Variants in NBEAL1 observed in about 807,000 individuals in gnomAD.
NBEAL1 encodes the protein neurobeachin-like protein 1.
In NBEAL1, 273 loss-of-function variants were observed where a neutral mutation model predicts 351.3. That is an observed-to-expected ratio of 0.78 (90% CI 0.70 to 0.86). The LOEUF is 0.86. Among genes scored for constraint, NBEAL1 ranks in the 40% least tolerant of loss-of-function variants. The pLI, the probability that NBEAL1 is intolerant of heterozygous loss-of-function variation, is 0.00. For missense variants in NBEAL1, 2,961 were observed against 3,201.3 expected (o/e 0.92, Z 1.81); for synonymous variants, 1,050 against 1,086.4 (o/e 0.97, Z 0.66).
intron 10 of NBEAL1, among the ~76,000 whole-genome samples, chr2:203,094,892 C>T (rs1176576914): frequency 6.6e-6 from 1 of 152,144 alleles, no homozygotes; most frequent in Non-Finnish European, 1.5e-5. Context: ...GAGGCCAAGG[C>T]AGGCGGATCA....
At chr2:203,197,213 A>G in intron 47 of NBEAL1, 89 bp from the exon 48 acceptor site, 1 of 705,786 alleles carries the variant, frequency 1.4e-6, no homozygotes, top group Non-Finnish European at 2.5e-6. Context: ...GTATCACAGG[A>G]TTCATCCTTA....
intron 54 of NBEAL1, among the ~76,000 whole-genome samples, chr2:203,211,443 C>T (rs1248518963): frequency 1.3e-5 from 2 of 152,022 alleles, no homozygotes; most frequent in African/African-American, 4.8e-5. Context: ...GAGTTTAAGA[C>T]CAACCTGGGC....
chr2:203,199,542 A>ATTT, intron 49 of NBEAL1, 95 bp downstream of exon 49: 1 of 623,930 alleles, frequency 1.6e-6, no homozygotes, highest in Non-Finnish European at 2.7e-6. Flanking sequence ...TCTGAAAGAA[A>ATTT]TATTTTTTTT....
chr2:203,209,116 T>A, intron 52 of NBEAL1, 45 bp from the exon 53 acceptor site: 1 of 1,498,678 alleles, frequency 6.7e-7, no homozygotes, highest in South Asian at 1.2e-5. Flanking sequence ...TTTTTGCTGT[T>A]CTTTTCCTTT....
At position 203,218,028 on chromosome 2, in the gene NBEAL1, A is replaced by G; in HGVS notation, c.*674A>G. On this transcript the variant is annotated 3_prime_UTR_variant, in exon 56 of 56. Transcript: ENST00000683969. ...TTTACAGATGTATTTCCTTAATAAT[A>G]TAATTAAGCAAAAGTGCTAATTGTG... The G allele has an allele frequency of 1.4e-6, 1 of 737,052 alleles. No homozygotes were observed. The highest frequency in any genetic ancestry group is 6.2e-5 in the South Asian group (1 of 16,082). The allele number at this position is 737,052 out of a possible 1,614,324, so 45.7% of individuals were successfully genotyped here.
At position 203,211,124 on chromosome 2, in the gene NBEAL1, A is replaced by C; in HGVS notation, c.7934+18A>C. On this transcript the variant is annotated intron_variant, in intron 54 of 55. Transcript: ENST00000683969. Reference sequence around the variant, plus strand: ...CTCCACAGGTAAATAATAAAAACTAATGAAGTATCACTTAAGAAAAGGGGC... The same window carrying C: ...CTCCACAGGTAAATAATAAAAACTACTGAAGTATCACTTAAGAAAAGGGGC... The C allele has an allele frequency of 6.6e-7, 1 of 1,510,874 alleles. No homozygotes were observed. The highest frequency in any genetic ancestry group is 8.9e-7 in the Non-Finnish European group (1 of 1,125,214). 93.6% of individuals were successfully genotyped at this position (1,510,874 alleles called of 1,614,324 possible).
intron 29 of NBEAL1, among the ~76,000 whole-genome samples, chr2:203,137,944 A>G (rs1294075407): frequency 6.6e-6 from 1 of 151,648 alleles, no homozygotes; most frequent in East Asian, 1.9e-4. Context: ...AGATCACACC[A>G]TTGCACTCCG....
rs1282655762 is a variant in NBEAL1 at position 203,194,940 on chromosome 2, G to A, written c.7038+1029G>A. ...TGGCCGGGCGCAGTGGCTCACGCCT[G>A]TAATCCCAGCACTTTGGGAGGCCGA... is the stretch of plus-strand genomic sequence containing the variant. On this transcript the variant is annotated intron_variant, in intron 47 of 55. Coordinates refer to ENST00000683969, the MANE Select transcript of NBEAL1 (RefSeq NM_001378026.1). Among the ~76,000 whole-genome samples, 5 of 152,318 alleles carry A rather than the reference G, an allele frequency of 3.3e-5. No homozygotes were observed. The East Asian group carries it at 9.6e-4, about 29-fold the overall frequency.
intron 15 of NBEAL1, 34 bp downstream of exon 15, chr2:203,110,316 T>A: frequency 6.5e-7 from 1 of 1,532,896 alleles, no homozygotes; most frequent in Non-Finnish European, 8.8e-7. Flanking sequence ...TAACTTCTAG[T>A]ATGGTTAATG....
rs141793792 is a variant in NBEAL1 at position 203,136,214 on chromosome 2, G to A, written c.4351G>A (p.Gly1451Ser). ...AGAAAGCAGCATCACAAATGATATG[G>A]GCTTTAGTGATGACTTCTCTTTACT... ...DRESSITNDM[G>S]FSDDFSLLES... Residue 1451 changes from glycine to serine, a missense_variant, in exon 28 of 56, where the codon GGC (glycine) becomes AGC (serine). Transcript: ENST00000683969. The A allele has an allele frequency of 9.6e-5, 154 of 1,597,912 alleles. No individual in the cohort carries two copies. In the African/African-American group the frequency reaches 1.9e-3, roughly 20 times the overall value.
chr2:203,049,577 A>G (rs1186696361), intron 3 of NBEAL1, among the ~76,000 whole-genome samples: 1 of 152,224 alleles, frequency 6.6e-6, no homozygotes, highest in Non-Finnish European at 1.5e-5. Context: ...TGAAATAAGA[A>G]AAACCACTCT....
intron 44 of NBEAL1, among the ~76,000 whole-genome samples, chr2:203,184,916 T>A (rs1322032529): frequency 6.6e-6 from 1 of 151,536 alleles, no homozygotes; most frequent in Non-Finnish European, 1.5e-5. Context: ...AAAAAAAAGT[T>A]TATTTGGGAA....
At position 203,185,034 on chromosome 2, in the gene NBEAL1, C is replaced by G. The variant is rs188958549; in HGVS notation, c.6705+1646C>G. The stretch of plus-strand genomic sequence containing the variant: ...TTTAAAGGTAAAGTGAGGAAGTTTA[C>G]ATGAGTTGTTTTGAAACAATTATCC... On this transcript the variant is annotated intron_variant, in intron 44 of 55. Transcript: ENST00000683969. Among the ~76,000 whole-genome samples the G allele has an allele frequency of 3.3e-5, 5 of 152,228 alleles. No individual in the cohort carries two copies. In the East Asian group the frequency reaches 9.6e-4, roughly 29 times the overall value.
chr2:203,021,412 G>A (rs1174724368), intron 2 of NBEAL1, among the ~76,000 whole-genome samples: 1 of 151,510 alleles, frequency 6.6e-6, no homozygotes, highest in African/African-American at 2.4e-5. Flanking sequence ...TGGGCAACAT[G>A]GTGAAACCCC....
chr2:203,023,730 C>T (rs1302596698), intron 2 of NBEAL1, among the ~76,000 whole-genome samples: 1 of 151,588 alleles, frequency 6.6e-6, no homozygotes, highest in African/African-American at 2.4e-5. Flanking sequence ...GTTTGTGGGA[C>T]ATTCAGGTAG....
At chr2:203,099,440 GTTTA>G (rs2062259466) in intron 11 of NBEAL1, among the ~76,000 whole-genome samples, 185 bp from the exon 12 acceptor site, 1 of 151,966 alleles carries the variant, frequency 6.6e-6, no homozygotes, top group South Asian at 2.1e-4. Flanking sequence ...TTGACATGTG[GTTTA>G]TTTTTCTTTT....
chr2:203,101,871 C>G (rs2106216069), intron 12 of NBEAL1, among the ~76,000 whole-genome samples: 1 of 152,332 alleles, frequency 6.6e-6, no homozygotes, highest in Non-Finnish European at 1.5e-5. Flanking sequence ...GCTGGGATTA[C>G]AGGCGTGAGC....
At chr2:203,192,268 C>G (rs566651802) in intron 46 of NBEAL1, among the ~76,000 whole-genome samples, 1 of 152,126 alleles carries the variant, frequency 6.6e-6, no homozygotes, top group Non-Finnish European at 1.5e-5. Flanking sequence ...ATTTTCACAC[C>G]TGCTTTACCT....
intron 15 of NBEAL1, among the ~76,000 whole-genome samples, chr2:203,110,673 C>CT (rs1413648590): frequency 5.0e-4 from 16 of 32,162 alleles, no homozygotes; most frequent in East Asian, 8.9e-4. Flanking sequence ...GATCCTGTCT[C>CT]AAAATAAATA....
Sources: allele counts gnomAD v4.1 joint callset (sites outside exome capture counted in the v4.1 genomes callset), GRCh38; gene constraint gnomAD v4.1.1; transcripts MANE v1.5; gene names NCBI Gene and HGNC (gene_info 2026-07-23, HGNC 2026-07-21).